VAV3: variants seen among roughly 807,000 people sequenced by gnomAD.
VAV3 encodes guanine nucleotide exchange factor VAV3.
In VAV3, 94 loss-of-function variants were observed where a neutral mutation model predicts 131.2. That is an observed-to-expected ratio of 0.72 (90% CI 0.61 to 0.85). The LOEUF (loss-of-function observed/expected upper bound fraction) is 0.85. Among genes scored for constraint, VAV3 ranks in the 40% least tolerant of loss-of-function variants. VAV3 has a pLI of 0.00. For synonymous variants in VAV3, 349 were observed against 342.0 expected (o/e 1.02, Z -0.22); for missense variants, 939 against 1,002.7 (o/e 0.94, Z 0.86).
chr1:107,890,232 TATATC>T (rs1300524842), intron 1 of VAV3, among the ~76,000 whole-genome samples: 1 of 152,202 alleles, frequency 6.6e-6, no homozygotes, highest in Admixed American at 6.5e-5. Context: ...CTCATGTACA[TATATC>T]ATATATATTG....
intron 19 of VAV3, among the ~76,000 whole-genome samples, chr1:107,657,814 T>C (rs967444287): frequency 1.3e-5 from 2 of 152,226 alleles, no homozygotes; most frequent in African/African-American, 4.8e-5. Context: ...ATACTTGTTA[T>C]TCAGTTGCAT....
chr1:107,666,918 A>C (rs1242526277), intron 19 of VAV3, among the ~76,000 whole-genome samples: 1 of 152,214 alleles, frequency 6.6e-6, no homozygotes, highest in Non-Finnish European at 1.5e-5. Context: ...TGAAGACTGC[A>C]TTCAAACCTA....
chr1:107,940,844 A>G (rs1673949183), intron 1 of VAV3, among the ~76,000 whole-genome samples: 1 of 152,166 alleles, frequency 6.6e-6, no homozygotes, highest in South Asian at 2.1e-4. Flanking sequence ...TGTTTAATGT[A>G]TAGAGTTTCA....
Position 107,691,957 on chromosome 1 carries a change from T to G in VAV3, c.1706-3551A>C, listed in dbSNP as rs896767929. ...GTTTAAATATAAAATTCTGTCCTATTTTGTTTTTCAATACAAGTGGCTCTC... is the reference window on the plus strand; with the variant it reads ...GTTTAAATATAAAATTCTGTCCTATGTTGTTTTTCAATACAAGTGGCTCTC... On this transcript the variant is annotated intron_variant, in intron 17 of 26. Transcript: ENST00000370056. 2.0e-5 allele frequency among the ~76,000 whole-genome samples: 3 copies of G among 152,198 alleles called. No individual in the cohort carries two copies. In the South Asian group the frequency reaches 6.2e-4, roughly 31 times the overall value.
intron 1 of VAV3, among the ~76,000 whole-genome samples, chr1:107,924,284 C>A (rs1673047507): frequency 6.6e-6 from 1 of 151,840 alleles, no homozygotes; most frequent in African/African-American, 2.4e-5. Context: ...AATGTCCATG[C>A]CTAAATTACA....
chr1:107,951,853 C>T (rs1674550875), intron 1 of VAV3, among the ~76,000 whole-genome samples: 1 of 151,028 alleles, frequency 6.6e-6, no homozygotes, highest in South Asian at 2.1e-4. Flanking sequence ...GAAAAAGAAA[C>T]ACTTATACAC....
intron 2 of VAV3, among the ~76,000 whole-genome samples, chr1:107,808,460 A>G (rs1215249078): frequency 6.6e-6 from 1 of 152,166 alleles, no homozygotes; most frequent in African/African-American, 2.4e-5. Flanking sequence ...TTCTGTTGGT[A>G]TATATTTTTT....
At position 107,597,846 on chromosome 1, in the gene VAV3, A is replaced by G. The variant is rs184096789; in HGVS notation, c.2221-1505T>C. Among the ~76,000 whole-genome samples the G allele has an allele frequency of 1.4e-4, 21 of 152,314 alleles. No individual in the cohort carries two copies. The East Asian group carries it at 3.9e-3, about 28-fold the overall frequency. Reference sequence around the variant, plus strand: ...GTACCTAATACATGTGAAAAACTGTAACAGCTACCCCATTATCCCATGTGC... The same window carrying G: ...GTACCTAATACATGTGAAAAACTGTGACAGCTACCCCATTATCCCATGTGC... On this transcript the variant is annotated intron_variant, in intron 24 of 26. Transcript: ENST00000370056.
intron 15 of VAV3, among the ~76,000 whole-genome samples, chr1:107,709,673 C>T (rs1432734546): frequency 6.6e-6 from 1 of 152,154 alleles, no homozygotes; most frequent in African/African-American, 2.4e-5. Flanking sequence ...GGATGGTTTC[C>T]CCCATCCTGT....
intron 22 of VAV3, among the ~76,000 whole-genome samples, 185 bp from the exon 23 acceptor site, chr1:107,603,348 T>G (rs112863402): frequency 6.6e-6 from 1 of 152,092 alleles, no homozygotes; most frequent in Admixed American, 6.6e-5. Flanking sequence ...ACACAAATGC[T>G]CTACAAAACT....
intron 19 of VAV3, among the ~76,000 whole-genome samples, chr1:107,664,980 T>A (rs948398023): frequency 3.3e-5 from 5 of 151,878 alleles, no homozygotes; most frequent in Non-Finnish European, 7.4e-5. Context: ...ATTGCAGGAG[T>A]AGTAGAAATA....
At chr1:107,886,028 T>A (rs1671018840) in intron 1 of VAV3, among the ~76,000 whole-genome samples, 1 of 151,950 alleles carries the variant, frequency 6.6e-6, no homozygotes, top group Admixed American at 6.6e-5. Flanking sequence ...AACAAAAAGG[T>A]CATGAGAAAC....
At chr1:107,889,885 G>C (rs1396022086) in intron 1 of VAV3, among the ~76,000 whole-genome samples, 3 of 152,096 alleles carry the variant, frequency 2.0e-5, no homozygotes, top group Admixed American at 6.5e-5. Flanking sequence ...TTAATTCATT[G>C]AAATCGATTT....
At chr1:107,735,214 AG>A (rs1662530465) in intron 15 of VAV3, among the ~76,000 whole-genome samples, 1 of 152,252 alleles carries the variant, frequency 6.6e-6, no homozygotes, top group Non-Finnish European at 1.5e-5. Flanking sequence ...AGCAGTGTGT[AG>A]AGGGAAATTT....
At chr1:107,732,602 G>A (rs1263867043) in intron 15 of VAV3, among the ~76,000 whole-genome samples, 4 of 152,208 alleles carry the variant, frequency 2.6e-5, no homozygotes, top group African/African-American at 7.2e-5. Flanking sequence ...ACGGAGCCTC[G>A]TTCACTGCTA....
In VAV3 at chr1:107,790,635, A is replaced by G. The variant is rs144473570; in HGVS notation, c.322-11143T>C. 2.7e-5 allele frequency among the ~76,000 whole-genome samples: 4 copies of G among 150,716 alleles called. No individual in the cohort carries two copies. In the East Asian group the frequency reaches 7.8e-4, roughly 29 times the overall value. ...TACAGCATTTTCATACAAAAGTACA[A>G]ATGTTTTCCAGTGTCTTACATCACT... On this transcript the variant is annotated intron_variant, in intron 2 of 26. Coordinates refer to ENST00000370056, the MANE Select transcript of VAV3 (RefSeq NM_006113.5).
At chr1:107,939,426 T>C (rs1238425719) in intron 1 of VAV3, among the ~76,000 whole-genome samples, 1 of 152,174 alleles carries the variant, frequency 6.6e-6, no homozygotes, top group Non-Finnish European at 1.5e-5. Flanking sequence ...GCTAACAATA[T>C]GCAGTTCCGT....
chr1:107,738,602 G>C (rs1042293579), intron 15 of VAV3, among the ~76,000 whole-genome samples: 12 of 152,138 alleles, frequency 7.9e-5, no homozygotes, highest in Admixed American at 2.6e-4. Context: ...CGTTTCCATT[G>C]CAAGGATTGC....
chr1:107,850,360 G>A (rs1669161698), intron 2 of VAV3, among the ~76,000 whole-genome samples: 1 of 152,112 alleles, frequency 6.6e-6, no homozygotes. Flanking sequence ...AGAAAATGTG[G>A]CACATATACA....
Sources: gnomAD v4.1 joint callset for allele counts (sites outside exome capture counted in the v4.1 genomes callset) on GRCh38, gnomAD v4.1.1 for gene constraint, MANE v1.5 for transcripts, NCBI Gene and HGNC (gene_info 2026-07-23, HGNC 2026-07-21) for gene names.